The following MAP2K6 variants were observed in gnomAD, a reference collection of about 807,000 sequenced individuals.
MAP2K6 encodes dual specificity mitogen-activated protein kinase kinase 6.
Under a neutral mutation model 53.7 loss-of-function variants are expected in MAP2K6, and 16 were observed. That is an observed-to-expected ratio of 0.30 (90% confidence interval 0.20 to 0.45). The LOEUF (loss-of-function observed/expected upper bound fraction) is 0.45. Among genes scored for constraint, MAP2K6 ranks in the 20% least tolerant of loss-of-function variants. The pLI is 1.00. For missense variants in MAP2K6, 204 were observed against 411.9 expected (o/e 0.50, Z 4.37); for synonymous variants, 132 against 143.1 (o/e 0.92, Z 0.55).
intron 1 of MAP2K6, among the ~76,000 whole-genome samples, chr17:69,436,554 A>AT (rs1906647499): frequency 6.6e-6 from 1 of 152,174 alleles, no homozygotes; most frequent in Non-Finnish European, 1.5e-5. Context: ...TAAATAAATT[A>AT]TTTTTATCAG....
chr17:69,517,539 G>T lies in MAP2K6; in HGVS notation c.172G>T (p.Glu58Ter). The change falls in exon 4 of 12, where the codon GAA becomes TAA. Residue 58 changes from glutamate to a stop codon, truncating the protein, a stop_gained. Coordinates refer to ENST00000590474, the MANE Select transcript of MAP2K6 (RefSeq NM_002758.4). LOFTEE classifies it high-confidence loss of function. Reference protein sequence around the residue: ...VKADDLEPIMELGRGAYGVVE... With the variant: ...VKADDLEPIM ...GGCAGATGACCTGGAGCCTATAATG[G>T]AACTGGGACGAGGTGCGTACGGGGT... 1 of 1,611,260 alleles carries T rather than the reference G, an allele frequency of 6.2e-7. No homozygotes were observed. Among genetic ancestry groups the T allele is most frequent in the Non-Finnish European group, 8.5e-7 (1 of 1,178,440 alleles).
At position 69,414,703 on chromosome 17, in the gene MAP2K6, A is replaced by C; in HGVS notation, c.-282A>C. ...TCTGCGCACTAAGATACTCAGTTCC[A>C]AGTTTGGAGCTTTTAGCTGCCAGCC... On this transcript the variant is annotated 5_prime_UTR_variant, in exon 1 of 12. Coordinates refer to ENST00000590474, the MANE Select transcript of MAP2K6 (RefSeq NM_002758.4). 1 of 388,460 alleles carries C rather than the reference A, an allele frequency of 2.6e-6. No individual in the cohort carries two copies. The highest frequency in any genetic ancestry group is 4.7e-6 in the Non-Finnish European group (1 of 212,792). The allele number at this position is 388,460 out of a possible 1,614,324, so 24.1% of individuals were successfully genotyped here.
chr17:69,507,138 A>G (rs1909542996), intron 2 of MAP2K6, among the ~76,000 whole-genome samples: 1 of 152,084 alleles, frequency 6.6e-6, no homozygotes, highest in Non-Finnish European at 1.5e-5. Flanking sequence ...TTTATTTTGA[A>G]ATAATTGTAG....
intron 1 of MAP2K6, among the ~76,000 whole-genome samples, chr17:69,420,554 C>T (rs1176875686): frequency 1.3e-5 from 2 of 152,144 alleles, no homozygotes; most frequent in Non-Finnish European, 2.9e-5. Context: ...GAATTTAGAG[C>T]TATGAAAGTT....
At chr17:69,499,168 T>TTGA (rs1357764279) in intron 1 of MAP2K6, among the ~76,000 whole-genome samples, 1 of 152,156 alleles carries the variant, frequency 6.6e-6, no homozygotes, top group East Asian at 1.9e-4. Flanking sequence ...AGATTCAAGA[T>TTGA]TGATGAGATG....
chr17:69,454,534 A>T (rs956707322), intron 1 of MAP2K6, among the ~76,000 whole-genome samples: 7 of 150,744 alleles, frequency 4.6e-5, no homozygotes, highest in African/African-American at 1.7e-4. Context: ...ACAGGCACGC[A>T]TCACCATGCC....
At chr17:69,541,002 G>C (rs890243779) in intron 11 of MAP2K6, among the ~76,000 whole-genome samples, 1 of 152,106 alleles carries the variant, frequency 6.6e-6, no homozygotes, top group Non-Finnish European at 1.5e-5. Flanking sequence ...GGTGGCACAC[G>C]CCTGCAATCC....
intron 1 of MAP2K6, among the ~76,000 whole-genome samples, chr17:69,492,898 C>T (rs1017547934): frequency 1.3e-5 from 2 of 152,152 alleles, no homozygotes; most frequent in Non-Finnish European, 2.9e-5. Context: ...GCCTAGCCCA[C>T]TCAGTAAAAT....
chr17:69,502,724 TG>T (rs1034886874), intron 1 of MAP2K6: 1 of 984,830 alleles, frequency 1.0e-6, no homozygotes, highest in Non-Finnish European at 1.2e-6. Context: ...TGGGGGTGGC[TG>T]GGTGTAACAG....
intron 1 of MAP2K6, among the ~76,000 whole-genome samples, chr17:69,472,595 G>A (rs1458572852): frequency 1.3e-5 from 2 of 152,186 alleles, no homozygotes; most frequent in Non-Finnish European, 2.9e-5. Flanking sequence ...CCTGAGACGG[G>A]ATGGCATCCT....
At chr17:69,495,264 G>T (rs1359860534) in intron 1 of MAP2K6, among the ~76,000 whole-genome samples, 1 of 150,946 alleles carries the variant, frequency 6.6e-6, no homozygotes, top group Non-Finnish European at 1.5e-5. Flanking sequence ...TTGAGCTGGA[G>T]TCTCGCTCTT....
chr17:69,418,159 T>C (rs180791642), intron 1 of MAP2K6, among the ~76,000 whole-genome samples: 2 of 152,346 alleles, frequency 1.3e-5, no homozygotes, highest in African/African-American at 4.8e-5. Context: ...GTATGTTTTA[T>C]AACCCCGTAC....
intron 1 of MAP2K6, among the ~76,000 whole-genome samples, chr17:69,503,489 A>G (rs1567843081): frequency 6.6e-6 from 1 of 152,216 alleles, no homozygotes; most frequent in South Asian, 2.1e-4. Context: ...CTTATAAAAT[A>G]CATAAGTAAA....
At chr17:69,442,892 T>C (rs1485061007) in intron 1 of MAP2K6, among the ~76,000 whole-genome samples, 1 of 152,242 alleles carries the variant, frequency 6.6e-6, no homozygotes, top group Non-Finnish European at 1.5e-5. Flanking sequence ...TTTATTTATA[T>C]GTAATACCTA....
At chr17:69,484,240 C>T (rs1908445631) in intron 1 of MAP2K6, among the ~76,000 whole-genome samples, 1 of 151,878 alleles carries the variant, frequency 6.6e-6, no homozygotes, top group African/African-American at 2.4e-5. Flanking sequence ...TCATTTAATA[C>T]TGAAAAGATA....
intron 2 of MAP2K6, among the ~76,000 whole-genome samples, chr17:69,507,704 G>C (rs1909584713): frequency 6.6e-6 from 1 of 152,086 alleles, no homozygotes; most frequent in African/African-American, 2.4e-5. Flanking sequence ...TTATACCACA[G>C]TTGGTTCAAC....
At chr17:69,488,679 C>G (rs1355345427) in intron 1 of MAP2K6, among the ~76,000 whole-genome samples, 1 of 152,116 alleles carries the variant, frequency 6.6e-6, no homozygotes, top group East Asian at 1.9e-4. Flanking sequence ...CATGCTCTCA[C>G]TTAGAAGTGG....
intron 1 of MAP2K6, among the ~76,000 whole-genome samples, chr17:69,431,193 C>T (rs1048054457): frequency 5.9e-5 from 9 of 151,984 alleles, no homozygotes; most frequent in Admixed American, 1.3e-4. Context: ...CAGATTATAC[C>T]GTTAATGGGT....
At chr17:69,520,542 C>T (rs550597299) in intron 6 of MAP2K6, 156 bp downstream of exon 6, 11 of 609,690 alleles carry the variant, frequency 1.8e-5, no homozygotes, top group African/African-American at 1.7e-4. Context: ...ACATGCTTTC[C>T]TTTCTGAGCA....
Sources: gnomAD v4.1 joint callset for allele counts (sites outside exome capture counted in the v4.1 genomes callset) on GRCh38, gnomAD v4.1.1 for gene constraint, MANE v1.5 for transcripts, NCBI Gene and HGNC (gene_info 2026-07-23, HGNC 2026-07-21) for gene names.